The following KAT2B variants were observed in gnomAD, a reference collection of about 807,000 sequenced individuals.
KAT2B encodes the protein lysine acetyltransferase 2B.
A neutral mutation model predicts 105.9 loss-of-function variants in KAT2B; 36 were observed. That is an observed-to-expected ratio of 0.34 (90% CI 0.26 to 0.45). KAT2B has a LOEUF of 0.45. Among genes scored for constraint, KAT2B ranks in the 20% least tolerant of loss-of-function variants. The pLI is 1.00. For missense variants in KAT2B, 820 were observed against 1,021.6 expected, an observed-to-expected ratio of 0.80 and a Z score of 2.69; for synonymous variants, 397 against 377.9, an observed-to-expected ratio of 1.05 and a Z score of -0.59.
intron 2 of KAT2B, among the ~76,000 whole-genome samples, chr3:20,087,673 A>G (rs2125191352): frequency 6.6e-6 from 1 of 152,280 alleles, no homozygotes; most frequent in Middle Eastern, 3.4e-3. Context: ...TCACGTTCCA[A>G]GTCCCTAATA....
At position 20,153,845 on chromosome 3, in the gene KAT2B, T is replaced by C. The variant is rs916844070; in HGVS notation, c.*1320T>C. ...AGCGTATTTAACTTGATGTTTTCTA[T>C]CAGCATAAATAAAATGGTCATGAAT... On this transcript the variant is annotated 3_prime_UTR_variant, in exon 18 of 18. Coordinates refer to ENST00000263754, the MANE Select transcript of KAT2B (RefSeq NM_003884.5). 1 of 152,530 alleles carries C rather than the reference T, an allele frequency of 6.6e-6. No homozygotes were observed. Among genetic ancestry groups the C allele is most frequent in the African/African-American group, 2.4e-5 (1 of 41,460 alleles). 9.4% of individuals were successfully genotyped at this position (152,530 alleles called of 1,614,324 possible). A position where few individuals can be genotyped will look rare whatever the true frequency, so the allele number is the denominator to read the frequency against.
rs4858770 is a variant in KAT2B at position 20,152,931 on chromosome 3, C to T, written c.*406C>T. The stretch of plus-strand genomic sequence containing the variant: ...TTTTCTAATGGAATGTGAGAGTTTA[C>T]TTTTATTTTATTCTGAAGGACTTTA... On this transcript the variant is annotated 3_prime_UTR_variant, in exon 18 of 18. Coordinates refer to ENST00000263754, the MANE Select transcript of KAT2B (RefSeq NM_003884.5). 30,084 of 154,306 alleles carry T rather than the reference C, an allele frequency of 0.19. 3,309 individuals carry two copies. Among genetic ancestry groups the T allele is most frequent in the East Asian group, 0.38 (1,995 of 5,238 alleles). The allele number at this position is 154,306 out of a possible 1,614,324, so 9.6% of individuals were successfully genotyped here.
chr3:20,142,786 G>A (rs1699715435), intron 13 of KAT2B, among the ~76,000 whole-genome samples: 1 of 139,726 alleles, frequency 7.2e-6, no homozygotes, highest in African/African-American at 2.5e-5. Context: ...AGATTTGTGG[G>A]CACATGAACA....
At chr3:20,137,843 CAGA>C (rs1194506296) in intron 12 of KAT2B, among the ~76,000 whole-genome samples, 10 of 152,126 alleles carry the variant, frequency 6.6e-5, no homozygotes, top group Admixed American at 2.6e-4. Context: ...AGTTTCTTAT[CAGA>C]AGTTTTCAGC....
At chr3:20,121,223 C>T (rs1024694102) in intron 8 of KAT2B, among the ~76,000 whole-genome samples, 29 of 152,082 alleles carry the variant, frequency 1.9e-4, no homozygotes, top group African/African-American at 6.5e-4. Context: ...CTGGAAGAAT[C>T]GTCTACAGTC....
intron 9 of KAT2B, among the ~76,000 whole-genome samples, chr3:20,123,250 A>C (rs1438437163): frequency 2.0e-5 from 3 of 152,200 alleles, no homozygotes; most frequent in Non-Finnish European, 4.4e-5. Context: ...AATTAAAAAC[A>C]CATGTCATAA....
chr3:20,122,033 C>T (rs116193335), intron 8 of KAT2B, among the ~76,000 whole-genome samples: 9,413 of 151,838 alleles, frequency 0.062, 295 homozygotes, highest in South Asian at 0.096. Context: ...CCGGTGGGGG[C>T]GGGGTGGAAT....
At chr3:20,089,132 T>C (rs1698670517) in intron 2 of KAT2B, among the ~76,000 whole-genome samples, 1 of 152,182 alleles carries the variant, frequency 6.6e-6, no homozygotes. Context: ...GAGATAGCTT[T>C]GTAGTAGATT....
chr3:20,090,346 G>A (rs1023570758), intron 2 of KAT2B, among the ~76,000 whole-genome samples: 6 of 152,128 alleles, frequency 3.9e-5, no homozygotes, highest in African/African-American at 1.2e-4. Context: ...TGTCACATAC[G>A]GCCTTTTTGT....
At chr3:20,127,338 C>T (rs1699424102) in intron 10 of KAT2B, 85 bp from the exon 11 acceptor site, 15 of 1,191,230 alleles carry the variant, frequency 1.3e-5, no homozygotes. Context: ...GTCCCTCTTT[C>T]TTAGTTGGTT....
chr3:20,075,023 T>C (rs1698392539), intron 2 of KAT2B, among the ~76,000 whole-genome samples: 2 of 152,140 alleles, frequency 1.3e-5, no homozygotes, highest in Admixed American at 1.3e-4. Context: ...TCCAGCACTT[T>C]GGGAGGCCGA....
At chr3:20,102,094 A>G (rs4858765) in intron 5 of KAT2B, among the ~76,000 whole-genome samples, 11 of 152,062 alleles carry the variant, frequency 7.2e-5, no homozygotes, top group Admixed American at 1.3e-4. Flanking sequence ...AAGTGGGTAG[A>G]TCACTTGGGT....
intron 2 of KAT2B, among the ~76,000 whole-genome samples, chr3:20,072,728 G>A (rs981064863): frequency 1.3e-5 from 2 of 152,172 alleles, no homozygotes; most frequent in Admixed American, 6.5e-5. Context: ...CATGACAATC[G>A]AGCTAGTTAG....
rs1477494197 is a variant in KAT2B at position 20,135,974 on chromosome 3, C to T, written c.1750-968C>T. Among the ~76,000 whole-genome samples, 4 of 152,144 alleles carry T rather than the reference C, an allele frequency of 2.6e-5. No homozygotes were observed. In the East Asian group the frequency reaches 5.8e-4, roughly 22 times the overall value. ...ATCTCACCACCAAGGAATTGGCCTA[C>T]GTTGGCGGTGTTCTAGCAGATTGCC... On this transcript the variant is annotated intron_variant, in intron 11 of 17. Transcript: ENST00000263754.
At position 20,153,688 on chromosome 3, in the gene KAT2B, A is replaced by G. The variant is rs3749184; in HGVS notation, c.*1163A>G. The G allele has an allele frequency of 0.034, 5,154 of 152,694 alleles. 220 individuals are homozygous for G. The highest frequency in any genetic ancestry group is 0.2 in the East Asian group (1,028 of 5,178). The allele number at this position is 152,694 out of a possible 1,614,324, so 9.5% of individuals were successfully genotyped here. On this transcript the variant is annotated 3_prime_UTR_variant, in exon 18 of 18. Transcript: ENST00000263754. ...ATTACACTACATAGAAAAGTGAGAC[A>G]TCTGCCATTCCCAACTCTGGGAAAA...
At chr3:20,117,224 C>A (rs968072199) in intron 7 of KAT2B, among the ~76,000 whole-genome samples, 1 of 152,072 alleles carries the variant, frequency 6.6e-6, no homozygotes, top group South Asian at 2.1e-4. Context: ...GAATTTTATT[C>A]GTTTTTCTGT....
At chr3:20,105,582 G>A (rs1575136380) in intron 5 of KAT2B, among the ~76,000 whole-genome samples, 1 of 152,206 alleles carries the variant, frequency 6.6e-6, no homozygotes, top group East Asian at 1.9e-4. Flanking sequence ...TTTGAGCCCA[G>A]CCTGGGCAAC....
chr3:20,056,453 A>G (rs1383012848), intron 1 of KAT2B, among the ~76,000 whole-genome samples: 2 of 152,224 alleles, frequency 1.3e-5, no homozygotes. Flanking sequence ...GTCTGTTAAT[A>G]GACAAATGCT....
At position 20,101,474 on chromosome 3, in the gene KAT2B, C is replaced by T; in HGVS notation, c.851+6C>T. The T allele has an allele frequency of 3.1e-6, 5 of 1,612,308 alleles. No homozygotes were observed. Among genetic ancestry groups the T allele is most frequent in the Non-Finnish European group, 4.2e-6 (5 of 1,178,598 alleles). ...TACAAAGAGAACTACACAAGGTAAT[C>T]AGATGCAAGTTCTTTTCCTTTGGCC... On this transcript the variant is annotated splice_donor_region_variant and intron_variant, in intron 5 of 17. Transcript: ENST00000263754.
Sources: allele counts gnomAD v4.1 joint callset (sites outside exome capture counted in the v4.1 genomes callset), GRCh38; gene constraint gnomAD v4.1.1; transcripts MANE v1.5; gene names NCBI Gene and HGNC (gene_info 2026-07-23, HGNC 2026-07-21).